Variants in INTS6 observed in about 807,000 individuals in gnomAD.
INTS6 encodes integrator complex subunit 6.
A neutral mutation model predicts 104.9 loss-of-function variants in INTS6; 16 were observed. The observed-to-expected ratio is 0.15, with a 90% CI of 0.10 to 0.23. The LOEUF (loss-of-function observed/expected upper bound fraction) is 0.23, where lower values mean the gene tolerates loss of function less well. Among genes scored for constraint, INTS6 ranks in the 10% least tolerant of loss-of-function variants. The pLI, the probability that INTS6 is intolerant of heterozygous loss-of-function variation, is 1.00. For missense variants in INTS6, 584 were observed against 1,062.8 expected (o/e 0.55, Z 6.26); for synonymous variants, 324 against 358.7 (o/e 0.90, Z 1.09).
intron 15 of INTS6, among the ~76,000 whole-genome samples, chr13:51,371,875 C>T (rs778523315): frequency 3.3e-5 from 5 of 152,124 alleles, no homozygotes; most frequent in South Asian, 2.1e-4. Flanking sequence ...CACACACCCT[C>T]GCCCCACTTC....
chr13:51,408,890 A>G (rs1399790634), intron 4 of INTS6, among the ~76,000 whole-genome samples: 1 of 152,196 alleles, frequency 6.6e-6, no homozygotes, highest in Non-Finnish European at 1.5e-5. Flanking sequence ...CATCACTTTA[A>G]TATATTTCTT....
intron 4 of INTS6, among the ~76,000 whole-genome samples, chr13:51,424,343 G>A (rs779679570): frequency 5.3e-5 from 8 of 151,836 alleles, no homozygotes; most frequent in Non-Finnish European, 1.2e-4. Flanking sequence ...TTGCCTAGAA[G>A]TACTGAAGAG....
At chr13:51,444,893 G>A (rs1423727871) in intron 3 of INTS6, 1 of 141,634 alleles carries the variant, frequency 7.1e-6, no homozygotes, top group Non-Finnish European at 1.5e-5. Context: ...TTTTGCAAAT[G>A]TTTTAAAAGA....
Position 51,393,456 on chromosome 13 carries a change from C to CT in INTS6, c.613+1843dup, listed in dbSNP as rs943553723. On this transcript the variant is annotated intron_variant, in intron 5 of 17. Coordinates refer to ENST00000311234, the MANE Select transcript of INTS6 (RefSeq NM_012141.3). ...ATAGTGCAATACCAGTGGGTATTAT[C>CT]TTTTTTGTTCTTTCTACTTTTCTGG... 5.9e-5 allele frequency among the ~76,000 whole-genome samples: 9 copies of CT among 152,246 alleles called. No individual in the cohort carries two copies. The South Asian group carries it at 1.9e-3, about 32-fold the overall frequency.
At position 51,423,954 on chromosome 13, in the gene INTS6, C is replaced by G. The variant is rs545004371; in HGVS notation, c.429+6340G>C. Among the ~76,000 whole-genome samples, 5 of 152,038 alleles carry G rather than the reference C, an allele frequency of 3.3e-5. No homozygotes were observed. The South Asian group carries it at 1.0e-3, about 32-fold the overall frequency. The stretch of plus-strand genomic sequence containing the variant: ...AAAATACAGATTCCCAGGTCCTTAC[C>G]CAGATCAACTGAAACAAAATTTCCA... On this transcript the variant is annotated intron_variant, in intron 4 of 17. Coordinates refer to ENST00000311234, the MANE Select transcript of INTS6 (RefSeq NM_012141.3).
Position 51,371,400 on chromosome 13 carries a change from TTCC to T in INTS6, c.2105-2093_2105-2091del, listed in dbSNP as rs549761289. ...TGACTCTAGCAATTCCTCTACTTTC[TTCC>T]TCCTATTAACCATATCCCTTCTAAG... is the stretch of plus-strand genomic sequence containing the variant. On this transcript the variant is annotated intron_variant, in intron 15 of 17. Transcript: ENST00000311234. Among the ~76,000 whole-genome samples the T allele has an allele frequency of 1.5e-4, 23 of 152,296 alleles. No individual in the cohort carries two copies. The South Asian group carries it at 4.6e-3, about 30-fold the overall frequency.
chr13:51,381,814 T>C (rs947961048), intron 10 of INTS6, among the ~76,000 whole-genome samples: 5 of 151,886 alleles, frequency 3.3e-5, no homozygotes, highest in African/African-American at 1.2e-4. Flanking sequence ...GCGATTCTCC[T>C]GCCTCAGCCT....
chr13:51,367,664 G>T, intron 17 of INTS6, 141 bp downstream of exon 17: 1 of 500,430 alleles, frequency 2.0e-6, no homozygotes, highest in South Asian at 3.1e-5. Context: ...AACTAAAAAA[G>T]AATAAGAATT....
At chr13:51,414,579 A>ATT (rs1209043751) in intron 4 of INTS6, among the ~76,000 whole-genome samples, 2 of 152,270 alleles carry the variant, frequency 1.3e-5, no homozygotes, top group African/African-American at 4.8e-5. Flanking sequence ...TCTAGTCCCA[A>ATT]TTATTCAGAT....
At chr13:51,423,956 A>G (rs1193250168) in intron 4 of INTS6, among the ~76,000 whole-genome samples, 2 of 152,084 alleles carry the variant, frequency 1.3e-5, no homozygotes, top group Admixed American at 1.3e-4. Context: ...GTCCTTACCC[A>G]GATCAACTGA....
At chr13:51,343,483 A>G in the INTS6 span, among the ~76,000 whole-genome samples, 1 of 152,264 alleles carries the variant, frequency 6.6e-6, no homozygotes, top group Non-Finnish European at 1.5e-5. Flanking sequence ...GATCATGGAA[A>G]GAAGGAAGCA....
At chr13:51,440,092 C>CA (rs199764573) in intron 3 of INTS6, 5,133 of 151,754 alleles carry the variant, frequency 0.034, 102 homozygotes, top group South Asian at 0.06. Flanking sequence ...ACTAAAAATA[C>CA]AAAAAAACCA....
At chr13:51,359,339 T>C (rs1955526178), downstream of INTS6, among the ~76,000 whole-genome samples, 1 of 152,150 alleles carries the variant, frequency 6.6e-6, no homozygotes, top group Non-Finnish European at 1.5e-5. Context: ...CATATTCTCA[T>C]TTTTATCGCA....
At chr13:51,428,434 C>T (rs1957023807) in intron 4 of INTS6, among the ~76,000 whole-genome samples, 1 of 151,070 alleles carries the variant, frequency 6.6e-6, no homozygotes, top group African/African-American at 2.4e-5. Context: ...AAGTGATTCT[C>T]CTGCCTTAGC....
chr13:51,445,661 G>A lies in INTS6; in HGVS notation c.339+5364C>T, dbSNP rs191428018. The A allele has an allele frequency of 6.6e-5, 10 of 152,276 alleles. No individual in the cohort carries two copies. In the East Asian group the frequency reaches 1.2e-3, roughly 18 times the overall value. The allele number at this position is 152,276 out of a possible 1,614,324, so 9.4% of individuals were successfully genotyped here. A position where few individuals can be genotyped will look rare whatever the true frequency, so the allele number is the denominator to read the frequency against. On this transcript the variant is annotated intron_variant, in intron 3 of 17. Transcript: ENST00000311234. ...CAATGTTACATAATAATTCAATGGC[G>A]AGGCCAAGATTGGGATTCCAATTCT...
chr13:51,393,075 T>A (rs1956272100), intron 5 of INTS6, among the ~76,000 whole-genome samples: 1 of 115,066 alleles, frequency 8.7e-6, no homozygotes, highest in Non-Finnish European at 1.8e-5. Flanking sequence ...AACAACTAAA[T>A]TTTTTTTTTT....
intron 3 of INTS6, chr13:51,447,356 A>G (rs1952938811): frequency 6.6e-6 from 1 of 152,230 alleles, no homozygotes; most frequent in South Asian, 2.1e-4. Flanking sequence ...AAGTAGTATT[A>G]GAACTATAAC....
chr13:51,369,020 A>G lies in INTS6; in HGVS notation c.2395T>C (p.Leu799=), dbSNP rs1220891252. Residue 799 remains leucine (L), a synonymous_variant, in exon 16 of 18, where the codon TTG becomes CTG. Transcript: ENST00000311234. ...PASSLNKGKK[L]MHCRSHEEVN... is the part of the protein sequence containing the mutation. ...TCTTCATGGCTTCTGCAATGCATCA[A>G]TTTCTTTCCTTTGTTGAGTGAAGAT... 3.1e-6 allele frequency: 5 copies of G among 1,613,698 alleles called. No individual in the cohort carries two copies. The East Asian group carries it at 8.9e-5, about 29-fold the overall frequency.
rs1955584535 is a variant in INTS6, at chr13:51,361,862, AT to A, written c.*3889del. 3 of 1,611,696 alleles carry A rather than the reference AT, an allele frequency of 1.9e-6. No individual in the cohort carries two copies. In the African/African-American group the frequency reaches 4.0e-5, roughly 22 times the overall value. On this transcript the variant is annotated 3_prime_UTR_variant, in exon 18 of 18. Transcript: ENST00000311234. ...TTCCTATTTTTAAAGCAGATCGGCCATTCATCTATTTCCTGAGAGAACCTAA... is the reference window on the plus strand; with the variant it reads ...TTCCTATTTTTAAAGCAGATCGGCCATCATCTATTTCCTGAGAGAACCTAA...
Sources: gnomAD v4.1 joint callset for allele counts (sites outside exome capture counted in the v4.1 genomes callset) on GRCh38, gnomAD v4.1.1 for gene constraint, MANE v1.5 for transcripts, NCBI Gene and HGNC (gene_info 2026-07-23, HGNC 2026-07-21) for gene names.